Variants in PDE4A observed in about 807,000 individuals in gnomAD.
PDE4A encodes phosphodiesterase 4A.
A neutral mutation model predicts 73.9 loss-of-function variants in PDE4A; 21 were observed. The observed-to-expected ratio is 0.28, with a 90% CI of 0.20 to 0.41. The LOEUF is 0.41. PDE4A is among the 10% of genes least tolerant of loss of function. The pLI is 1.00. For synonymous variants in PDE4A, 463 were observed against 505.4 expected (o/e 0.92, Z 1.13); for missense variants, 958 against 1,211.4 (o/e 0.79, Z 3.10).
rs528959952 is a variant in PDE4A, at chr19:10,424,519, C to A, written c.320+3435C>A. On this transcript the variant is annotated intron_variant, in intron 1 of 14. Transcript: ENST00000380702. This position sits in a 1 kb window ranked among gnomAD's most constrained non-coding sequence, Gnocchi z 4.8. ...ACGAGGAAGGCACAGCCTGGGTGTG[C>A]GCTCCGAGCGCGGACCTGCTCCAGG... Among the ~76,000 whole-genome samples the A allele has an allele frequency of 3.9e-3, 598 of 152,376 alleles. 4 individuals are homozygous for A. The highest frequency in any genetic ancestry group is 0.014 in the African/African-American group (565 of 41,590).
intron 7 of PDE4A, 68 bp downstream of exon 7, chr19:10,454,990 C>T (rs955848739): frequency 1.1e-4 from 158 of 1,478,212 alleles, no homozygotes; most frequent in Non-Finnish European, 1.4e-4. Flanking sequence ...TGCCCCTGAC[C>T]GTGGGTCCTG....
chr19:10,428,746 C>A (rs1163124867), intron 1 of PDE4A: 7 of 981,894 alleles, frequency 7.1e-6, no homozygotes, highest in Non-Finnish European at 8.5e-6. Context: ...GTGCCAGAGG[C>A]CACACGCAAG....
chr19:10,435,473 A>G (rs1239558660), intron 1 of PDE4A, among the ~76,000 whole-genome samples: 1 of 151,384 alleles, frequency 6.6e-6, no homozygotes, highest in Non-Finnish European at 1.5e-5. Context: ...AGGTGGGAGG[A>G]TCGCTTGAGC....
rs1454209223 is a variant in PDE4A, at chr19:10,420,751, T to C, written c.-14T>C. 1.1e-5 allele frequency: 17 copies of C among 1,543,442 alleles called. No homozygotes were observed. The highest frequency in any genetic ancestry group is 3.6e-4 in the Middle Eastern group (2 of 5,550). ...GGGCCAGGGCCCCCTGGGGCGCAAG[T>C]GGGGGCCGGCGCCATGGAACCCCCG... On this transcript the variant is annotated 5_prime_UTR_variant, in exon 1 of 15. Transcript: ENST00000380702. This position sits in a 1 kb window ranked among gnomAD's most constrained non-coding sequence, Gnocchi z 6.0.
chr19:10,459,471 C>T lies in PDE4A; in HGVS notation c.1173C>T (p.Leu391=). The part of the protein sequence containing the change: ...CVSDYAGGRS[L]TCIMYMIFQE... The stretch of plus-strand genomic sequence containing the variant: ...CGGATTACGCTGGAGGCCGCTCACT[C>T]ACCTGCATCATGTACATGATATTCC... The change falls in exon 9 of 15, where the codon CTC becomes CTT. Residue 391 remains leucine, a synonymous_variant. Coordinates refer to ENST00000380702, the MANE Select transcript of PDE4A (RefSeq NM_001111307.2). 1 of 1,614,102 alleles carries T rather than the reference C, an allele frequency of 6.2e-7. No individual in the cohort carries two copies. The highest frequency in any genetic ancestry group is 8.5e-7 in the Non-Finnish European group (1 of 1,179,976).
intron 1 of PDE4A, 132 bp from the exon 2 acceptor site, chr19:10,446,086 C>G (rs954087746): frequency 3.7e-6 from 5 of 1,369,768 alleles, no homozygotes; most frequent in East Asian, 2.6e-5. Flanking sequence ...GATTCACCCC[C>G]ACTTGGCCTC....
chr19:10,441,687 T>TATTTA (rs200479409), intron 1 of PDE4A, among the ~76,000 whole-genome samples: 3 of 140,944 alleles, frequency 2.1e-5, no homozygotes, highest in Admixed American at 7.0e-5. Flanking sequence ...TTGAGTTATT[T>TATTTA]TTTTTTTTTT....
intron 1 of PDE4A, chr19:10,432,396 C>G (rs1211691844): frequency 1.7e-5 from 23 of 1,360,366 alleles, no homozygotes; most frequent in Non-Finnish European, 2.1e-5. Flanking sequence ...CGCCCTGCCG[C>G]CGTCCCCATG....
rs369906261 is a variant in PDE4A at position 10,453,556 on chromosome 19, A to ATG, written c.784-1259_784-1258dup. Among the ~76,000 whole-genome samples, 19 of 150,400 alleles carry ATG rather than the reference A, an allele frequency of 1.3e-4. No homozygotes were observed. The highest frequency in any genetic ancestry group is 9.8e-5 in the African/African-American group (4 of 40,772). On this transcript the variant is annotated intron_variant, in intron 6 of 14. Coordinates refer to ENST00000380702, the MANE Select transcript of PDE4A (RefSeq NM_001111307.2). This position sits in a 1 kb window ranked among gnomAD's most constrained non-coding sequence, Gnocchi z 4.6. Reference sequence around the variant, plus strand: ...TGGGTGTGACTGTGTCAGTGCCTGGATGTGTGTGTGTGTGTCTGCGATGGT... The same window carrying ATG: ...TGGGTGTGACTGTGTCAGTGCCTGGATGTGTGTGTGTGTGTGTCTGCGATGGT...
intron 13 of PDE4A, 131 bp from the exon 14 acceptor site, chr19:10,463,662 A>G: frequency 6.7e-7 from 1 of 1,485,264 alleles, no homozygotes; most frequent in African/African-American, 1.4e-5. Flanking sequence ...CAGCATCCCA[A>G]AGTACTGGAA....
chr19:10,417,355 C>A (rs2042598174), upstream of PDE4A: 4 of 985,142 alleles, frequency 4.1e-6, no homozygotes, highest in Non-Finnish European at 3.6e-6. Context: ...TGGGAAGAGA[C>A]CCTAAAAAGG....
chr19:10,432,338 A>G, intron 1 of PDE4A: 1 of 1,273,930 alleles, frequency 7.8e-7, no homozygotes, highest in Non-Finnish European at 9.9e-7. Flanking sequence ...CGGTGCCGGC[A>G]GTGGAGGCCG....
chr19:10,457,969 C>G lies in PDE4A; in HGVS notation c.968C>G (p.Pro323Arg), dbSNP rs201753782. The G allele has an allele frequency of 9.3e-6, 15 of 1,613,774 alleles. No individual in the cohort carries two copies. In the East Asian group the frequency reaches 3.1e-4, roughly 34 times the overall value. ...APRPRPSQPP[P>R]PPVPHLQPMS... The stretch of plus-strand genomic sequence containing the variant: ...CGACCAAGACCCTCCCAGCCGCCCC[C>G]GCCCCCTGTACCACACTTACAGCCC... Residue 323 changes from proline (P) to arginine (R), a missense_variant, in exon 8 of 15, where the codon CCG becomes CGG. Pro to Arg is a moderately radical substitution (Grantham distance 103). Around this residue, in one of 3 missense-constraint regions of PDE4A, gnomAD observed 570 missense variants for 827.7 expected, o/e 0.69. Transcript: ENST00000380702.
rs201466320 is a variant in PDE4A, at chr19:10,446,272, G to A, written c.375G>A (p.Ser125=). 15 of 1,603,870 alleles carry A rather than the reference G, an allele frequency of 9.4e-6. No homozygotes were observed. In the South Asian group the frequency reaches 1.3e-4, roughly 14 times the overall value. Residue 125 remains serine (S), a synonymous_variant, in exon 2 of 15, where the codon TCG becomes TCA. Coordinates refer to ENST00000380702, the MANE Select transcript of PDE4A (RefSeq NM_001111307.2). ...TPSPGRSPLD[S]QASPGLVLHA... ...CTCCTGGCCGCAGCCCCCTGGACTC[G>A]CAGGCGAGCCCAGGACTCGTGCTGC... is the stretch of plus-strand genomic sequence containing the variant.
chr19:10,422,257 C>T (rs1033492083), intron 1 of PDE4A, among the ~76,000 whole-genome samples: 1 of 152,106 alleles, frequency 6.6e-6, no homozygotes, highest in Admixed American at 6.5e-5. Context: ...TGATTGAGTT[C>T]GTGGAACAGT....
At chr19:10,432,131 G>A (rs370630099) in intron 1 of PDE4A, among the ~76,000 whole-genome samples, 2,273 of 137,872 alleles carry the variant, frequency 0.016, 35 homozygotes, top group South Asian at 0.033. Flanking sequence ...CCGGAGCCGG[G>A]AAACCGGAGC....
rs570159747 is a variant in PDE4A at position 10,420,712 on chromosome 19, G to A, written c.-53G>A. ...CGCTGGCTTGCGCGCAGCTGAGCGG[G>A]GTGTAGGTTGGAAGGGCCAGGGCCC... is the stretch of plus-strand genomic sequence containing the variant. On this transcript the variant is annotated 5_prime_UTR_variant, in exon 1 of 15. Coordinates refer to ENST00000380702, the MANE Select transcript of PDE4A (RefSeq NM_001111307.2). The surrounding 1 kb of genome is among the most constrained non-coding windows in gnomAD (Gnocchi z 6.0). 3 of 1,434,852 alleles carry A rather than the reference G, an allele frequency of 2.1e-6. No homozygotes were observed. In the Admixed American group the frequency reaches 8.9e-5, roughly 43 times the overall value. The allele number at this position is 1,434,852 out of a possible 1,614,324, so 88.9% of individuals were successfully genotyped here.
intron 4 of PDE4A, 81 bp from the exon 5 acceptor site, chr19:10,450,522 C>A: frequency 6.7e-7 from 1 of 1,503,210 alleles, no homozygotes. Context: ...TGAAAATTGG[C>A]ACTGTTCATG....
At position 10,450,493 on chromosome 19, in the gene PDE4A, C is replaced by T. The variant is rs956195996; in HGVS notation, c.621-110C>T. The stretch of plus-strand genomic sequence containing the variant: ...AGTACATGGCAGCGTCCTTAGGACA[C>T]GGTGAGTTTTCAGACAAATGAAAAT... On this transcript the variant is annotated intron_variant, in intron 4 of 14. Transcript: ENST00000380702. 36 of 1,471,106 alleles carry T rather than the reference C, an allele frequency of 2.4e-5. 1 individual carries two copies. The highest frequency in any genetic ancestry group is 2.2e-4 in the East Asian group (9 of 40,626). The allele number at this position is 1,471,106 out of a possible 1,614,324, so 91.1% of individuals were successfully genotyped here.
Sources: allele counts gnomAD v4.1 joint callset (sites outside exome capture counted in the v4.1 genomes callset), GRCh38; gene constraint gnomAD v4.1.1; regional missense constraint gnomAD v4.1.1; non-coding constraint Gnocchi (gnomAD v3.1); transcripts MANE v1.5; gene names NCBI Gene and HGNC (gene_info 2026-07-23, HGNC 2026-07-21).